The following CYB561A3 variants were observed in gnomAD, a reference collection of about 807,000 sequenced individuals.
CYB561A3 encodes the protein lysosomal membrane ascorbate-dependent ferrireductase CYB561A3.
CYB561A3 carries 16 observed loss-of-function variants against 25.3 expected under a neutral mutation model. The observed-to-expected ratio is 0.63, with a 90% CI of 0.43 to 0.96. CYB561A3 has a LOEUF of 0.96. CYB561A3 is among the 40% of genes least tolerant of loss of function. The pLI is 0.00. For synonymous variants in CYB561A3, 131 were observed against 129.9 expected (o/e 1.01, Z -0.06); for missense variants, 219 against 307.5 (o/e 0.71, Z 2.15).
At chr11:61,354,282 A>G (rs1183719985) in intron 3 of CYB561A3, 2 of 439,776 alleles carry the variant, frequency 4.5e-6, no homozygotes, top group Admixed American at 3.6e-5. Flanking sequence ...GCTTGAGGCC[A>G]GGAGTTTGAG....
Position 61,351,047 on chromosome 11 carries a change from T to TG in CYB561A3, c.648dup (p.Ile217HisfsTer24). The TG allele has an allele frequency of 6.2e-7, 1 of 1,613,918 alleles. No homozygotes were observed. Among genetic ancestry groups the TG allele is most frequent in the Non-Finnish European group, 8.5e-7 (1 of 1,179,982 alleles). Reference sequence around the variant, plus strand: ...CGCTTCCAAGATGAAGCCAGAAGGATGTAGAGCACCAGCAGCCCAAAGGCC... The same window carrying TG: ...CGCTTCCAAGATGAAGCCAGAAGGATGGTAGAGCACCAGCAGCCCAAAGGCC... On this transcript the variant is annotated frameshift_variant, in exon 6 of 7. Coordinates refer to ENST00000294072, the MANE Select transcript of CYB561A3 (RefSeq NM_153611.6). LOFTEE classifies it high-confidence loss of function.
At chr11:61,353,645 C>T (rs1857522476) in intron 4 of CYB561A3, 139 bp downstream of exon 4, 2 of 971,900 alleles carry the variant, frequency 2.1e-6, no homozygotes, top group South Asian at 1.4e-5. Flanking sequence ...CTTGAATAAA[C>T]TGTCAGTTCT....
In CYB561A3 at chr11:61,349,916, A is replaced by G; in HGVS notation, c.*483T>C. 2.0e-6 allele frequency: 1 copy of G among 505,782 alleles called. No individual in the cohort carries two copies. The allele number at this position is 505,782 out of a possible 1,614,324, so 31.3% of individuals were successfully genotyped here. ...GGACACCTCACCTCCCTCATGTTTC[A>G]CACCGTGGACTGCACTTGAGTCCCA... On this transcript the variant is annotated 3_prime_UTR_variant, in exon 7 of 7. Coordinates refer to ENST00000294072, the MANE Select transcript of CYB561A3 (RefSeq NM_153611.6).
Position 61,356,723 on chromosome 11 carries a change from G to T in CYB561A3, c.-10C>A. 6.2e-7 allele frequency: 1 copy of T among 1,613,624 alleles called. No individual in the cohort carries two copies. The highest frequency in any genetic ancestry group is 8.5e-7 in the Non-Finnish European group (1 of 1,179,730). ...ACCGTCCAGACACCATTCTGATCAC[G>T]CACTCCTAGAAGAAGGAGAAGTCAC... On this transcript the variant is annotated 5_prime_UTR_variant, in exon 3 of 7. Transcript: ENST00000294072.
intron 6 of CYB561A3, 131 bp from the exon 7 acceptor site, chr11:61,350,553 C>G (rs1857351957): frequency 8.5e-7 from 1 of 1,172,716 alleles, no homozygotes; most frequent in African/African-American, 1.5e-5. Flanking sequence ...CAGGGAAGCC[C>G]CAAAGTCCCT....
intron 1 of CYB561A3, chr11:61,359,525 G>C (rs1380170575): frequency 6.7e-6 from 1 of 150,126 alleles, no homozygotes; most frequent in Admixed American, 6.6e-5. Flanking sequence ...TTTTTTCTTT[G>C]TAAGAGGAAA....
intron 2 of CYB561A3, among the ~76,000 whole-genome samples, 166 bp downstream of exon 2, chr11:61,357,567 T>C (rs1857693693): frequency 2.0e-5 from 3 of 152,220 alleles, no homozygotes; most frequent in South Asian, 4.1e-4. Flanking sequence ...CTGGCCCTGC[T>C]TTCAGCTAAT....
chr11:61,350,858 T>C, intron 6 of CYB561A3, 133 bp downstream of exon 6: 1 of 1,345,916 alleles, frequency 7.4e-7, no homozygotes, highest in South Asian at 1.6e-5. Flanking sequence ...CCACCCTAAC[T>C]CCACCCTCAA....
In CYB561A3 at chr11:61,351,113, T is replaced by C. The variant is rs1354489519; in HGVS notation, c.583A>G (p.Ser195Gly). 1.2e-6 allele frequency: 2 copies of C among 1,613,672 alleles called. No individual in the cohort carries two copies. The highest frequency in any genetic ancestry group is 1.7e-5 in the Admixed American group (1 of 59,940). Reference protein sequence around the residue: ...NTTRPYHSLPSEAVFANSTGM... With the variant: ...NTTRPYHSLPGEAVFANSTGM... The stretch of plus-strand genomic sequence containing the variant: ...GTGCTGTTGGCAAAGACCGCCTCAC[T>C]GGGCAGGCTGTGGTATGGCCTGGTG... The change falls in exon 6 of 7, where the codon AGT (serine) becomes GGT (glycine). Residue 195 changes from serine (S) to glycine (G), a missense_variant. By Grantham distance (56) the Ser-to-Gly change is moderately conservative. Transcript: ENST00000294072.
chr11:61,350,851 C>A, intron 6 of CYB561A3, 140 bp downstream of exon 6: 1 of 1,286,660 alleles, frequency 7.8e-7, no homozygotes, highest in Admixed American at 2.9e-5. Context: ...CCATCAGCCA[C>A]CCTAACTCCA....
chr11:61,358,232 A>C (rs896080763), intron 1 of CYB561A3: 4 of 152,022 alleles, frequency 2.6e-5, no homozygotes, highest in African/African-American at 9.7e-5. Flanking sequence ...ACTGATCAAC[A>C]TGGTGAAACC....
intron 4 of CYB561A3, chr11:61,353,424 G>A (rs748455100): frequency 2.3e-5 from 14 of 610,782 alleles, no homozygotes; most frequent in Non-Finnish European, 3.6e-5. Flanking sequence ...CTCTTCACTC[G>A]CACAGGCCTG....
chr11:61,353,776 G>C lies in CYB561A3; in HGVS notation c.393+8C>G. 6.2e-7 allele frequency: 1 copy of C among 1,614,136 alleles called. No individual in the cohort carries two copies. The highest frequency in any genetic ancestry group is 8.5e-7 in the Non-Finnish European group (1 of 1,180,024). On this transcript the variant is annotated splice_region_variant and intron_variant, in intron 4 of 6. Transcript: ENST00000294072. ...GGAACCTCGAGGAGGAGAACAGAGA[G>C]AACCCACCTGGCAGGCGAAGAGGAA...
At chr11:61,350,527 A>G in intron 6 of CYB561A3, 105 bp from the exon 7 acceptor site, 1 of 1,435,270 alleles carries the variant, frequency 7.0e-7, no homozygotes, top group Non-Finnish European at 9.6e-7. Flanking sequence ...GTCCCCATCC[A>G]AGCCACCAAA....
At chr11:61,352,797 C>A in intron 5 of CYB561A3, 188 bp downstream of exon 5, 1 of 1,440,210 alleles carries the variant, frequency 6.9e-7, no homozygotes, top group Non-Finnish European at 9.1e-7. Flanking sequence ...AACTGATGCT[C>A]AATAAATATC....
intron 1 of CYB561A3, chr11:61,360,358 C>A (rs1389111900): frequency 6.6e-6 from 1 of 152,096 alleles, no homozygotes; most frequent in Non-Finnish European, 1.5e-5. Flanking sequence ...TTTGCAGAGC[C>A]CCATTCTAAG....
rs1320161266 is a variant in CYB561A3, at chr11:61,357,290, C to A, written c.-16+443G>T. 8.0e-6 allele frequency: 12 copies of A among 1,500,162 alleles called. No individual in the cohort carries two copies. The African/African-American group carries it at 1.5e-4, about 19-fold the overall frequency. 92.9% of individuals were successfully genotyped at this position (1,500,162 alleles called of 1,614,324 possible). A position where few individuals can be genotyped will look rare whatever the true frequency, so the allele number is the denominator to read the frequency against. ...CACTGGAGAGGTAACCAGGCCTTCA[C>A]TCCACTGCCCACACTCCACACCTTG... On this transcript the variant is annotated intron_variant, in intron 2 of 6. Coordinates refer to ENST00000294072, the MANE Select transcript of CYB561A3 (RefSeq NM_153611.6).
At chr11:61,351,871 A>T (rs1438620546) in intron 5 of CYB561A3, 1 of 152,170 alleles carries the variant, frequency 6.6e-6, no homozygotes, top group African/African-American at 2.4e-5. Flanking sequence ...CTATGGTCAC[A>T]CCATTGCTCT....
chr11:61,354,557 C>T (rs1046790321), intron 3 of CYB561A3: 1 of 156,736 alleles, frequency 6.4e-6, no homozygotes, highest in Non-Finnish European at 1.4e-5. Flanking sequence ...GGGAGGATCA[C>T]TTGAGCCTAA....
Sources: allele counts gnomAD v4.1 joint callset (sites outside exome capture counted in the v4.1 genomes callset), GRCh38; gene constraint gnomAD v4.1.1; transcripts MANE v1.5; gene names NCBI Gene and HGNC (gene_info 2026-07-23, HGNC 2026-07-21).